The following GSE1 variants were observed in gnomAD, a reference collection of about 807,000 sequenced individuals.
GSE1 encodes the protein genetic suppressor element 1.
Under a neutral mutation model 112.6 loss-of-function variants are expected in GSE1, and 32 were observed. That is an observed-to-expected ratio of 0.28 (90% CI 0.21 to 0.38). The LOEUF is 0.38. Ranked by LOEUF, GSE1 falls within the 10% of genes least tolerant of loss-of-function variation. The pLI is 1.00. For synonymous variants in GSE1, 1,115 were observed against 735.6 expected (o/e 1.52, Z -8.35); for missense variants, 2,348 against 1,699.2 (o/e 1.38, Z -6.71).
chr16:85,292,513 G>C (rs2045252749), intron 1 of GSE1, among the ~76,000 whole-genome samples: 1 of 152,126 alleles, frequency 6.6e-6, no homozygotes, highest in African/African-American at 2.4e-5. Context: ...ATTTTTAGTA[G>C]AGATGGGGTT....
intron 1 of GSE1, among the ~76,000 whole-genome samples, chr16:85,312,453 C>T (rs1001951072): frequency 2.0e-4 from 30 of 152,188 alleles, no homozygotes; most frequent in Admixed American, 1.4e-3. Flanking sequence ...TGTATTGCCC[C>T]GATCTCTGCC....
At chr16:85,317,355 G>A (rs1252959124) in intron 1 of GSE1, among the ~76,000 whole-genome samples, 2 of 152,186 alleles carry the variant, frequency 1.3e-5, no homozygotes, top group Middle Eastern at 3.4e-3. Context: ...TGGCTCTCTG[G>A]TGTGCTGTGC....
intron 2 of GSE1, among the ~76,000 whole-genome samples, chr16:85,501,976 C>T (rs2051383787): frequency 6.6e-6 from 1 of 152,224 alleles, no homozygotes; most frequent in Non-Finnish European, 1.5e-5. Flanking sequence ...GGAGGGGCTG[C>T]TCTCCTCACA....
Position 85,478,814 on chromosome 16 carries a change from T to A in GSE1, c.2464+121171T>A, listed in dbSNP as rs1017290910. Among the ~76,000 whole-genome samples, 5 of 150,446 alleles carry A rather than the reference T, an allele frequency of 3.3e-5. 1 individual carries two copies. In the South Asian group the frequency reaches 8.6e-4, roughly 26 times the overall value. On this transcript the variant is annotated intron_variant, in intron 2 of 2. Coordinates refer to the GSE1 transcript ENST00000637419. ...TCCGAAGTAGTTGGAATTACAACCA[T>A]GCACCACCATGCCCCGCTCATTTAT...
At chr16:85,585,073 C>T (rs1005332483) in intron 1 of GSE1, among the ~76,000 whole-genome samples, 3 of 152,102 alleles carry the variant, frequency 2.0e-5, no homozygotes, top group Admixed American at 6.5e-5. Context: ...AGAAAAGTTG[C>T]GAGGACATTT....
chr16:85,642,598 C>A (rs1461255148), intron 2 of GSE1, among the ~76,000 whole-genome samples: 1 of 152,230 alleles, frequency 6.6e-6, no homozygotes, highest in African/African-American at 2.4e-5. Flanking sequence ...CGGAGCCGTC[C>A]CCTAGGGCTC....
intron 2 of GSE1, among the ~76,000 whole-genome samples, chr16:85,390,667 G>A (rs1399180980): frequency 1.3e-5 from 2 of 150,296 alleles, no homozygotes; most frequent in East Asian, 2.0e-4. Flanking sequence ...TAGTGTTCCC[G>A]TACCCCCGCC....
intron 1 of GSE1, among the ~76,000 whole-genome samples, chr16:85,592,059 C>G (rs554667851): frequency 6.6e-5 from 10 of 152,234 alleles, no homozygotes; most frequent in Admixed American, 1.3e-4. Flanking sequence ...CCCCGCCCCC[C>G]GCTCCCGTCA....
At chr16:85,271,241 C>G (rs79701367) in intron 1 of GSE1, among the ~76,000 whole-genome samples, 1 of 152,112 alleles carries the variant, frequency 6.6e-6, no homozygotes, top group Non-Finnish European at 1.5e-5. Flanking sequence ...CAAGCAGGAT[C>G]GAGTTCCAGT....
intron 11 of GSE1, chr16:85,664,478 C>T (rs879441000): frequency 1.3e-5 from 2 of 152,400 alleles, no homozygotes; most frequent in African/African-American, 4.8e-5. Flanking sequence ...CATCTTTTTC[C>T]CTGAATTTTT....
intron 1 of GSE1, among the ~76,000 whole-genome samples, chr16:85,263,350 G>A (rs915889111): frequency 1.3e-5 from 2 of 152,076 alleles, no homozygotes; most frequent in South Asian, 4.1e-4. Flanking sequence ...GAGGCCCCCA[G>A]AGAGCCGGGG....
At chr16:85,190,031 T>C (rs4619384) in intron 1 of GSE1, among the ~76,000 whole-genome samples, 6,384 of 152,314 alleles carry the variant, frequency 0.042, 426 homozygotes, top group African/African-American at 0.14. Context: ...ACCTATCTTG[T>C]TCTGTTTTTG....
intron 1 of GSE1, among the ~76,000 whole-genome samples, chr16:85,180,375 G>A (rs1001126121): frequency 3.9e-5 from 6 of 152,204 alleles, no homozygotes; most frequent in African/African-American, 1.4e-4. Context: ...ACCCACCGAG[G>A]CCACGCTATC....
intron 14 of GSE1, among the ~76,000 whole-genome samples, chr16:85,669,549 C>A (rs560977023): frequency 6.6e-6 from 1 of 152,176 alleles, no homozygotes; most frequent in African/African-American, 2.4e-5. Flanking sequence ...CGCACCACCC[C>A]CTACATGTTG....
At chr16:85,609,085 G>A (rs979983755), upstream of GSE1, among the ~76,000 whole-genome samples, 4 of 152,174 alleles carry the variant, frequency 2.6e-5, no homozygotes, top group Admixed American at 1.3e-4. Flanking sequence ...CCGCACCCCT[G>A]AGCACCTGAC....
At chr16:85,303,762 G>T (rs553930106) in intron 1 of GSE1, among the ~76,000 whole-genome samples, 3 of 152,226 alleles carry the variant, frequency 2.0e-5, no homozygotes, top group African/African-American at 7.2e-5. Flanking sequence ...AAGCGGCTGC[G>T]GCCTGGCCCT....
intron 1 of GSE1, among the ~76,000 whole-genome samples, chr16:85,597,214 G>C (rs1488379639): frequency 6.6e-6 from 1 of 151,438 alleles, no homozygotes; most frequent in Non-Finnish European, 1.5e-5. Context: ...CCTGACCTCA[G>C]GTGATCTGCC....
chr16:85,531,870 C>T (rs2044148693), intron 2 of GSE1, among the ~76,000 whole-genome samples: 3 of 152,256 alleles, frequency 2.0e-5, no homozygotes, highest in South Asian at 4.1e-4. Flanking sequence ...ACTGCAGAGA[C>T]AAGAGACTAT....
intron 1 of GSE1, among the ~76,000 whole-genome samples, chr16:85,185,523 T>C (rs1234217066): frequency 6.6e-6 from 1 of 152,210 alleles, no homozygotes; most frequent in Non-Finnish European, 1.5e-5. Flanking sequence ...CTGAGCACGC[T>C]TGGAATACCC....
Sources: gnomAD v4.1 joint callset for allele counts (sites outside exome capture counted in the v4.1 genomes callset) on GRCh38, gnomAD v4.1.1 for gene constraint, MANE v1.5 for transcripts, NCBI Gene and HGNC (gene_info 2026-07-23, HGNC 2026-07-21) for gene names.